Variants in ERCC6L2 observed in about 807,000 individuals in gnomAD.
ERCC6L2 encodes the protein DNA excision repair protein ERCC-6-like 2.
In ERCC6L2, 77 loss-of-function variants were observed where a neutral mutation model predicts 132.0. The observed-to-expected ratio is 0.58, with a 90% confidence interval of 0.49 to 0.71. The LOEUF is 0.71. Ranked by LOEUF, ERCC6L2 falls within the 30% of genes least tolerant of loss-of-function variation. The pLI, the probability that ERCC6L2 is intolerant of heterozygous loss-of-function variation, is 0.00. For synonymous variants in ERCC6L2, 583 were observed against 632.4 expected, an observed-to-expected ratio of 0.92 and a Z score of 1.17; for missense variants, 1,542 against 1,837.6, an observed-to-expected ratio of 0.84 and a Z score of 2.94.
At chr9:95,936,879 ATG>A (rs1158228985) in intron 11 of ERCC6L2, among the ~76,000 whole-genome samples, 2 of 152,214 alleles carry the variant, frequency 1.3e-5, no homozygotes, top group Admixed American at 6.5e-5. Flanking sequence ...GTCATAAAGT[ATG>A]TAACCTTTTG....
intron 3 of ERCC6L2, among the ~76,000 whole-genome samples, chr9:95,899,480 A>G (rs1564204342): frequency 6.6e-6 from 1 of 152,018 alleles, no homozygotes. Context: ...AAAGAAAAGA[A>G]AGTTAACAAA....
At chr9:95,894,210 CAA>C (rs769432557) in intron 2 of ERCC6L2, among the ~76,000 whole-genome samples, 9 of 151,876 alleles carry the variant, frequency 5.9e-5, no homozygotes, top group Non-Finnish European at 8.8e-5. Context: ...AAGTGAAAAA[CAA>C]TGATTGTATG....
At position 96,016,766 on chromosome 9, in the gene ERCC6L2, G is replaced by T. The variant is rs1412874788; in HGVS notation, c.*3563G>T. Among the ~76,000 whole-genome samples, 1 of 152,104 alleles carries T rather than the reference G, an allele frequency of 6.6e-6. No homozygotes were observed. Among genetic ancestry groups the T allele is most frequent in the Non-Finnish European group, 1.5e-5 (1 of 68,024 alleles). ...AATAGCCCTCTTTTTTGAAATGATGGTAGATCATACCTTTTGGTCTTTTTC... is the reference window on the plus strand; with the variant it reads ...AATAGCCCTCTTTTTTGAAATGATGTTAGATCATACCTTTTGGTCTTTTTC... On this transcript the variant is annotated 3_prime_UTR_variant, in exon 19 of 19. Coordinates refer to ENST00000653738, the MANE Select transcript of ERCC6L2 (RefSeq NM_020207.7).
At chr9:95,918,971 C>T (rs933995052) in intron 6 of ERCC6L2, among the ~76,000 whole-genome samples, 2 of 151,978 alleles carry the variant, frequency 1.3e-5, no homozygotes, top group Admixed American at 6.5e-5. Context: ...TGGGTTCAAG[C>T]GATTATTCTG....
intron 18 of ERCC6L2, among the ~76,000 whole-genome samples, chr9:96,005,686 G>C (rs1833841813): frequency 6.6e-6 from 1 of 151,794 alleles, no homozygotes; most frequent in African/African-American, 2.4e-5. Flanking sequence ...GGTGGGGCTG[G>C]AGCATGCCAA....
Position 96,029,303 on chromosome 9 carries a change from C to CAAAAAAA in ERCC6L2, c.*1504-9559_*1504-9553dup, listed in dbSNP as rs201014094. ...TGGGTGACAGAGCAAGACTCCGTCT[C>CAAAAAAA]AAAAAAAAAAAAAAAAAAAACAAAA... On this transcript the variant is annotated intron_variant and NMD_transcript_variant, in intron 19 of 20. Transcript: ENST00000670016. Among the ~76,000 whole-genome samples the CAAAAAAA allele has an allele frequency of 1.2e-4, 10 of 81,788 alleles. 1 individual carries two copies. Among genetic ancestry groups the CAAAAAAA allele is most frequent in the Non-Finnish European group, 2.0e-4 (8 of 39,800 alleles). The allele number at this position is 81,788 out of a possible 152,430, so 53.7% of individuals were successfully genotyped here. A position where few individuals can be genotyped will look rare whatever the true frequency, so the allele number is the denominator to read the frequency against.
chr9:96,039,861 C>T (rs1164998771), intron 20 of ERCC6L2, among the ~76,000 whole-genome samples: 3 of 152,076 alleles, frequency 2.0e-5, no homozygotes, highest in African/African-American at 2.4e-5. Flanking sequence ...AGCGGCAGGG[C>T]TGGTGCTGAG....
chr9:95,953,157 T>A (rs1160204497), intron 12 of ERCC6L2, among the ~76,000 whole-genome samples: 1 of 152,192 alleles, frequency 6.6e-6, no homozygotes, highest in Non-Finnish European at 1.5e-5. Flanking sequence ...TATAGTTGCA[T>A]AACAGTGTGG....
In ERCC6L2 at chr9:96,001,941, C is replaced by T. The variant is rs529040205; in HGVS notation, c.3493-2579C>T. Reference sequence around the variant, plus strand: ...AGCACTGCTGGGGGACTCAGTACACCCTCCGCAGCCACTGGCCCGGGTGCT... The same window carrying T: ...AGCACTGCTGGGGGACTCAGTACACTCTCCGCAGCCACTGGCCCGGGTGCT... On this transcript the variant is annotated intron_variant, in intron 17 of 18. Transcript: ENST00000653738. Among the ~76,000 whole-genome samples the T allele has an allele frequency of 2.6e-5, 4 of 152,368 alleles. No individual in the cohort carries two copies. In the South Asian group the frequency reaches 8.3e-4, roughly 32 times the overall value.
intron 17 of ERCC6L2, among the ~76,000 whole-genome samples, chr9:96,002,090 G>T (rs1163580399): frequency 6.6e-6 from 1 of 152,212 alleles, no homozygotes; most frequent in Non-Finnish European, 1.5e-5. Flanking sequence ...CGGTTCCCGC[G>T]CGTGCCTCTC....
chr9:95,904,069 A>G (rs1828910806), intron 3 of ERCC6L2, among the ~76,000 whole-genome samples: 2 of 152,002 alleles, frequency 1.3e-5, no homozygotes, highest in Admixed American at 6.6e-5. Flanking sequence ...GGAGAAAATG[A>G]TCAGCTATAC....
At chr9:95,953,087 A>C (rs1352950740) in intron 12 of ERCC6L2, among the ~76,000 whole-genome samples, 1 of 152,106 alleles carries the variant, frequency 6.6e-6, no homozygotes, top group Non-Finnish European at 1.5e-5. Context: ...GAGAATGGGG[A>C]GTTATTGTTT....
chr9:95,935,704 A>G (rs1461611306), intron 11 of ERCC6L2, among the ~76,000 whole-genome samples: 2 of 152,166 alleles, frequency 1.3e-5, no homozygotes, highest in African/African-American at 4.8e-5. Flanking sequence ...CACTTGTGGT[A>G]TAGTTATCAA....
chr9:95,925,180 T>C (rs546775973), intron 9 of ERCC6L2, among the ~76,000 whole-genome samples: 2 of 152,332 alleles, frequency 1.3e-5, no homozygotes, highest in Admixed American at 6.5e-5. Context: ...GCTACACTTA[T>C]GACCCCACCT....
chr9:96,019,046 G>T (rs967398425), downstream of ERCC6L2, among the ~76,000 whole-genome samples: 4 of 152,198 alleles, frequency 2.6e-5, no homozygotes, highest in East Asian at 1.9e-4. Context: ...AAAAATGCGT[G>T]TGCAGCTCTG....
At chr9:95,912,085 A>G (rs1329538606) in intron 4 of ERCC6L2, among the ~76,000 whole-genome samples, 4 of 152,292 alleles carry the variant, frequency 2.6e-5, no homozygotes, top group African/African-American at 9.6e-5. Context: ...GAACATTTAC[A>G]TGACTCCAAT....
At chr9:95,943,357 A>G (rs1027774506) in intron 12 of ERCC6L2, among the ~76,000 whole-genome samples, 2 of 152,154 alleles carry the variant, frequency 1.3e-5, no homozygotes, top group Non-Finnish European at 2.9e-5. Context: ...TATGCCAACA[A>G]ATGTTTTTAA....
chr9:96,029,311 A>C (rs1180540122), intron 19 of ERCC6L2, among the ~76,000 whole-genome samples: 3 of 150,732 alleles, frequency 2.0e-5, no homozygotes, highest in Non-Finnish European at 3.0e-5. Context: ...CTCAAAAAAA[A>C]AAAAAAAAAA....
chr9:96,000,356 TCTTG>T (rs1283414144), intron 17 of ERCC6L2, among the ~76,000 whole-genome samples: 4 of 152,180 alleles, frequency 2.6e-5, no homozygotes, highest in Non-Finnish European at 5.9e-5. Flanking sequence ...AAGAACATAC[TCTTG>T]CTTTTGTCAG....
Sources: gnomAD v4.1 joint callset for allele counts (sites outside exome capture counted in the v4.1 genomes callset) on GRCh38, gnomAD v4.1.1 for gene constraint, MANE v1.5 for transcripts, NCBI Gene and HGNC (gene_info 2026-07-23, HGNC 2026-07-21) for gene names.